PAICS: variants seen among roughly 807,000 people sequenced by gnomAD.
PAICS encodes the protein phosphoribosylaminoimidazole carboxylase and phosphoribosylaminoimidazolesuccinocarboxamide synthase.
A neutral mutation model predicts 53.7 loss-of-function variants in PAICS; 33 were observed. That is an observed-to-expected ratio of 0.61 (90% CI 0.47 to 0.82). The LOEUF is 0.82. Ranked by LOEUF, PAICS falls within the 40% of genes least tolerant of loss-of-function variation. The pLI is 0.00. For missense variants in PAICS, 394 were observed against 494.1 expected (o/e 0.80, Z 1.92); for synonymous variants, 141 against 167.2 (o/e 0.84, Z 1.21).
At chr4:56,458,944 G>C (rs528368888) in intron 8 of PAICS, among the ~76,000 whole-genome samples, 5 of 152,200 alleles carry the variant, frequency 3.3e-5, no homozygotes, top group African/African-American at 1.2e-4. Context: ...AATGCAGATA[G>C]AAAGATTAGC....
At chr4:56,446,062 C>CA (rs1718601016) in intron 2 of PAICS, among the ~76,000 whole-genome samples, 1 of 151,848 alleles carries the variant, frequency 6.6e-6, no homozygotes, top group African/African-American at 2.4e-5. Flanking sequence ...GAGGATTAAA[C>CA]AAAAAAGATG....
At chr4:56,418,969 C>T in the PAICS span, among the ~76,000 whole-genome samples, 1 of 152,176 alleles carries the variant, frequency 6.6e-6, no homozygotes, top group African/African-American at 2.4e-5. Flanking sequence ...TTTAAAATGG[C>T]TTTAGTCTTT....
chr4:56,443,348 C>G (rs750883834), intron 2 of PAICS, among the ~76,000 whole-genome samples: 39 of 152,120 alleles, frequency 2.6e-4, no homozygotes, highest in Admixed American at 1.2e-3. Flanking sequence ...CCACCATACC[C>G]GGCTAATTTT....
chr4:56,428,628 T>C, the PAICS span, among the ~76,000 whole-genome samples: 306 of 152,202 alleles, frequency 2.0e-3, no homozygotes, highest in African/African-American at 7.1e-3. Flanking sequence ...GGAATTGACA[T>C]TAACAAAAAA....
chr4:56,453,203 T>TA (rs1719003642), intron 7 of PAICS, among the ~76,000 whole-genome samples: 2 of 152,202 alleles, frequency 1.3e-5, no homozygotes, highest in African/African-American at 2.4e-5. Context: ...CCCTAGTTTA[T>TA]ATTAACTGGT....
At chr4:56,430,421 T>C in the PAICS span, among the ~76,000 whole-genome samples, 1 of 152,038 alleles carries the variant, frequency 6.6e-6, no homozygotes, top group East Asian at 1.9e-4. Context: ...CCTGAACCAA[T>C]AAGGTCTCTG....
At chr4:56,416,527 C>G in the PAICS span, 1 of 160,698 alleles carries the variant, frequency 6.2e-6, no homozygotes, top group African/African-American at 2.4e-5. Context: ...ACAATTTTTC[C>G]TGGAAGAAAC....
the PAICS span, among the ~76,000 whole-genome samples, chr4:56,418,639 A>G: frequency 6.6e-6 from 1 of 152,176 alleles, no homozygotes; most frequent in Admixed American, 6.5e-5. Flanking sequence ...TTCTTTAATA[A>G]TATTACATCC....
chr4:56,435,486 C>T (rs1180261336), upstream of PAICS: 1 of 1,613,116 alleles, frequency 6.2e-7, no homozygotes, highest in African/African-American at 1.3e-5. Context: ...ATGTCGCCGC[C>T]GAAAGCACGT....
rs1451835679 is a variant in PAICS at position 56,436,302 on chromosome 4, C to T, written c.-11C>T. ...CCCGGCGCGGTCGCAGCCCTCAGCCCACTTAGGATAATGGCGACAGCTGAG... is the reference window on the plus strand; with the variant it reads ...CCCGGCGCGGTCGCAGCCCTCAGCCTACTTAGGATAATGGCGACAGCTGAG... On this transcript the variant is annotated 5_prime_UTR_variant, in exon 1 of 9. Coordinates refer to ENST00000512576, the MANE Select transcript of PAICS (RefSeq NM_001079524.2). The T allele has an allele frequency of 3.7e-6, 6 of 1,601,814 alleles. No individual in the cohort carries two copies. Among genetic ancestry groups the T allele is most frequent in the Non-Finnish European group, 5.1e-6 (6 of 1,174,818 alleles).
intron 2 of PAICS, chr4:56,446,424 G>C: frequency 1.4e-6 from 1 of 717,226 alleles, no homozygotes; most frequent in Non-Finnish European, 2.6e-6. Flanking sequence ...TTAGCCTAGT[G>C]TTTTTAAGCT....
chr4:56,440,483 A>G (rs1718280597), intron 1 of PAICS, among the ~76,000 whole-genome samples: 1 of 152,094 alleles, frequency 6.6e-6, no homozygotes, highest in East Asian at 1.9e-4. Context: ...CTTTAGCTGC[A>G]GCCCCCACCC....
the PAICS span, among the ~76,000 whole-genome samples, chr4:56,411,160 T>C: frequency 6.6e-6 from 1 of 152,292 alleles, no homozygotes; most frequent in African/African-American, 2.4e-5. Context: ...CACTGACTGC[T>C]AGTGCCAACT....
At position 56,450,684 on chromosome 4, in the gene PAICS, G is replaced by A. The variant is rs1578155907; in HGVS notation, c.753G>A (p.Trp251Ter). Residue 251 changes from tryptophan (W) to a stop codon, truncating the protein, a stop_gained, in exon 6 of 9, where the codon TGG becomes TGA. Transcript: ENST00000512576. LOFTEE classifies it high-confidence loss of function. ...AAATGGTAAAGAAAAACTTTGAGTG[G>A]GTTGCAGAGAGAGTAGAGGTAAACC... ...GLQMVKKNFE[W>*]VAERVELLLK... 2.6e-6 allele frequency: 4 copies of A among 1,520,108 alleles called. No individual in the cohort carries two copies. The highest frequency in any genetic ancestry group is 2.4e-5 in the East Asian group (1 of 41,892). 94.2% of individuals were successfully genotyped at this position (1,520,108 alleles called of 1,614,324 possible).
At chr4:56,418,991 G>A in the PAICS span, among the ~76,000 whole-genome samples, 14 of 152,126 alleles carry the variant, frequency 9.2e-5, no homozygotes, top group African/African-American at 1.9e-4. Context: ...TGTAATTTTC[G>A]CAAGGCGTAA....
chr4:56,436,123 C>G (rs1332547635), upstream of PAICS: 3 of 1,476,294 alleles, frequency 2.0e-6, no homozygotes, highest in Non-Finnish European at 2.7e-6. Context: ...TTGTTTCGTC[C>G]GATATCCGCG....
At chr4:56,440,507 A>G (rs1161969726) in intron 1 of PAICS, among the ~76,000 whole-genome samples, 2 of 152,244 alleles carry the variant, frequency 1.3e-5, no homozygotes, top group East Asian at 1.9e-4. Flanking sequence ...CCCCTGCCCA[A>G]CAGCAATGTA....
chr4:56,425,802 T>C, the PAICS span, among the ~76,000 whole-genome samples: 2 of 152,174 alleles, frequency 1.3e-5, no homozygotes, highest in Non-Finnish European at 2.9e-5. Context: ...AGTTCCATCT[T>C]GCAGCCAATG....
In PAICS at chr4:56,459,398, C is replaced by G. The variant is rs908001665; in HGVS notation, c.1138C>G (p.Pro380Ala). The G allele has an allele frequency of 9.4e-6, 15 of 1,600,246 alleles. No homozygotes were observed. The highest frequency in any genetic ancestry group is 1.3e-5 in the Non-Finnish European group (15 of 1,170,422). ...SGLGCSTVLS[P>A]EGSAQFAAQI... ...TCTTGGCTGTTCAACCGTACTTTCT[C>G]CAGAAGGATCAGCTCAATTTGCTGC... The change falls in exon 9 of 9, where the codon CCA becomes GCA. Residue 380 changes from proline to alanine, a missense_variant. Transcript: ENST00000512576.
Sources: gnomAD v4.1 joint callset for allele counts (sites outside exome capture counted in the v4.1 genomes callset) on GRCh38, gnomAD v4.1.1 for gene constraint, MANE v1.5 for transcripts, NCBI Gene and HGNC (gene_info 2026-07-23, HGNC 2026-07-21) for gene names.